The following BBS9 variants were observed in gnomAD, a reference collection of about 807,000 sequenced individuals.
The protein encoded by BBS9 is protein PTHB1.
A neutral mutation model predicts 117.7 loss-of-function variants in BBS9; 89 were observed. The observed-to-expected ratio is 0.76, with a 90% confidence interval of 0.64 to 0.90. The LOEUF (loss-of-function observed/expected upper bound fraction) is 0.90, where lower values mean the gene tolerates loss of function less well. Ranked by LOEUF, BBS9 falls within the 40% of genes least tolerant of loss-of-function variation. The pLI, the probability that BBS9 is intolerant of heterozygous loss-of-function variation, is 0.00. For synonymous variants in BBS9, 379 were observed against 370.9 expected, an observed-to-expected ratio of 1.02 and a Z score of -0.25; for missense variants, 982 against 1,042.2, an observed-to-expected ratio of 0.94 and a Z score of 0.80.
intron 21 of BBS9, among the ~76,000 whole-genome samples, chr7:33,547,292 G>C (rs1853555086): frequency 1.3e-5 from 2 of 152,148 alleles, no homozygotes. Context: ...GGAAGAAAAA[G>C]TAGGCTATTG....
chr7:33,400,846 C>T (rs1828790127), intron 19 of BBS9, among the ~76,000 whole-genome samples: 1 of 151,976 alleles, frequency 6.6e-6, no homozygotes, highest in East Asian at 1.9e-4. Flanking sequence ...AGCTGTATAG[C>T]CTGGAACAAT....
intron 19 of BBS9, among the ~76,000 whole-genome samples, chr7:33,492,200 C>G (rs2128995922): frequency 1.0e-5 from 1 of 100,130 alleles, no homozygotes; most frequent in African/African-American, 4.8e-5. Flanking sequence ...AAGATTCCAC[C>G]TCGAAAAAAA....
chr7:33,231,754 G>C (rs1296999639), intron 5 of BBS9, among the ~76,000 whole-genome samples: 4 of 152,084 alleles, frequency 2.6e-5, no homozygotes, highest in African/African-American at 9.6e-5. Flanking sequence ...AGAATTCTTT[G>C]TTTTCAGGGT....
At position 33,244,567 on chromosome 7, in the gene BBS9, G is replaced by C. The variant is rs574011770; in HGVS notation, c.443-12669G>C. On this transcript the variant is annotated intron_variant, in intron 5 of 22. Transcript: ENST00000242067. ...AAGTTGGCTTGATACTTTTTTTAAAGCATGCTAAATTTTGGTTTAAGATTG... is the reference window on the plus strand; with the variant it reads ...AAGTTGGCTTGATACTTTTTTTAAACCATGCTAAATTTTGGTTTAAGATTG... 1.2e-4 allele frequency among the ~76,000 whole-genome samples: 19 copies of C among 152,240 alleles called. No individual in the cohort carries two copies. The East Asian group carries it at 3.3e-3, about 26-fold the overall frequency.
At chr7:33,311,241 G>A (rs953417486) in intron 9 of BBS9, among the ~76,000 whole-genome samples, 1 of 152,112 alleles carries the variant, frequency 6.6e-6, no homozygotes, top group Non-Finnish European at 1.5e-5. Flanking sequence ...GTAGGGGATG[G>A]GAGGTAGGTG....
intron 21 of BBS9, among the ~76,000 whole-genome samples, chr7:33,591,445 T>C (rs1406025744): frequency 6.6e-6 from 1 of 152,092 alleles, no homozygotes. Context: ...CTTTGTTAAG[T>C]GTTATTTCTT....
downstream of BBS9, among the ~76,000 whole-genome samples, chr7:33,606,957 A>T (rs1194811873): frequency 6.6e-6 from 1 of 152,120 alleles, no homozygotes; most frequent in Admixed American, 6.6e-5. Context: ...GGGGAAATGA[A>T]TATAGTCCCA....
intron 21 of BBS9, among the ~76,000 whole-genome samples, chr7:33,574,725 A>ACACACACGCG (rs1251263949): frequency 4.0e-4 from 50 of 125,908 alleles, no homozygotes; most frequent in Non-Finnish European, 7.3e-4. Flanking sequence ...ACACACACAC[A>ACACACACGCG]CGCGCACACA....
chr7:33,597,728 A>G (rs1350044224), intron 21 of BBS9, among the ~76,000 whole-genome samples: 2 of 152,098 alleles, frequency 1.3e-5, no homozygotes, highest in Admixed American at 6.6e-5. Context: ...GAAGGAGGGG[A>G]ACCTGCACTA....
chr7:33,395,302 G>A (rs1827764891), intron 19 of BBS9, among the ~76,000 whole-genome samples: 1 of 152,124 alleles, frequency 6.6e-6, no homozygotes, highest in African/African-American at 2.4e-5. Context: ...AAATGCTAAT[G>A]CTGATTGGCA....
intron 18 of BBS9, among the ~76,000 whole-genome samples, chr7:33,386,985 A>C (rs187399263): frequency 7.2e-5 from 11 of 152,248 alleles, no homozygotes; most frequent in Non-Finnish European, 2.9e-5. Flanking sequence ...TTTTAAATAA[A>C]AAATAATGGT....
intron 19 of BBS9, among the ~76,000 whole-genome samples, chr7:33,417,359 A>C (rs6949988): frequency 0.026 from 4,020 of 152,262 alleles, 175 homozygotes; most frequent in African/African-American, 0.092. Flanking sequence ...TACTTTTGGA[A>C]TGTTATAATT....
chr7:33,191,587 C>T (rs1476393144), intron 5 of BBS9, among the ~76,000 whole-genome samples: 1 of 152,140 alleles, frequency 6.6e-6, no homozygotes, highest in Non-Finnish European at 1.5e-5. Flanking sequence ...TTGGAGAAGG[C>T]AGGGCCTAAG....
At chr7:33,228,042 A>G (rs1348004252) in intron 5 of BBS9, among the ~76,000 whole-genome samples, 2 of 152,204 alleles carry the variant, frequency 1.3e-5, no homozygotes, top group African/African-American at 4.8e-5. Flanking sequence ...AGTTCTTTAA[A>G]GAATTTCCAT....
At chr7:33,195,501 G>A (rs186889399) in intron 5 of BBS9, among the ~76,000 whole-genome samples, 1 of 152,188 alleles carries the variant, frequency 6.6e-6, no homozygotes, top group East Asian at 1.9e-4. Flanking sequence ...TTCTCAATAT[G>A]CTGGTGATGC....
At chr7:33,565,811 A>ACCGC (rs1563370015) in intron 21 of BBS9, among the ~76,000 whole-genome samples, 10 of 66,984 alleles carry the variant, frequency 1.5e-4, no homozygotes, top group African/African-American at 5.8e-4. Context: ...ATATATATAT[A>ACCGC]TATATATATA....
At chr7:33,163,400 G>A (rs1347710674) in intron 4 of BBS9, among the ~76,000 whole-genome samples, 2 of 152,150 alleles carry the variant, frequency 1.3e-5, no homozygotes, top group African/African-American at 4.8e-5. Flanking sequence ...GTTTCAGAAG[G>A]TATGGTACCA....
chr7:33,427,982 G>A (rs185322792), intron 19 of BBS9, among the ~76,000 whole-genome samples: 7 of 152,226 alleles, frequency 4.6e-5, no homozygotes, highest in African/African-American at 7.2e-5. Context: ...TTAAATACAC[G>A]TATGTATGTA....
intron 5 of BBS9, among the ~76,000 whole-genome samples, chr7:33,190,944 T>C (rs951549261): frequency 6.6e-6 from 1 of 152,178 alleles, no homozygotes; most frequent in Non-Finnish European, 1.5e-5. Context: ...AAAAAAGACA[T>C]GGCTATCAGA....
Sources: allele counts gnomAD v4.1 joint callset (sites outside exome capture counted in the v4.1 genomes callset), GRCh38; gene constraint gnomAD v4.1.1; transcripts MANE v1.5; gene names NCBI Gene and HGNC (gene_info 2026-07-23, HGNC 2026-07-21).